TSGA10: variants seen among roughly 807,000 people sequenced by gnomAD.
TSGA10 encodes the protein testis specific 10, also known as testis-specific gene 10 protein.
Under a neutral mutation model 96.6 loss-of-function variants are expected in TSGA10, and 43 were observed. The ratio of observed to expected loss-of-function variants is 0.44; its 90% CI spans 0.35 to 0.57. The LOEUF is 0.57. TSGA10 is among the 20% of genes least tolerant of loss of function. The pLI, the probability that TSGA10 is intolerant of heterozygous loss-of-function variation, is 0.01. For synonymous variants in TSGA10, 229 were observed against 269.9 expected, an observed-to-expected ratio of 0.85 and a Z score of 1.48; for missense variants, 703 against 834.4, an observed-to-expected ratio of 0.84 and a Z score of 1.94.
At chr2:99,119,226 C>T (rs1010248902) in intron 2 of TSGA10, among the ~76,000 whole-genome samples, 1 of 152,040 alleles carries the variant, frequency 6.6e-6, no homozygotes, top group Non-Finnish European at 1.5e-5. Context: ...GCTACAATGC[C>T]ATTTATTGTA....
At chr2:99,099,907 T>C (rs1559013270) in intron 10 of TSGA10, among the ~76,000 whole-genome samples, 1 of 152,150 alleles carries the variant, frequency 6.6e-6, no homozygotes, top group African/African-American at 2.4e-5. Context: ...TATTTTTACA[T>C]AACAGCCACA....
intron 1 of TSGA10, among the ~76,000 whole-genome samples, chr2:99,139,359 G>A (rs1342059201): frequency 2.0e-5 from 3 of 152,124 alleles, no homozygotes; most frequent in Non-Finnish European, 4.4e-5. Flanking sequence ...ATAATAAAAA[G>A]TATCATCGGT....
At chr2:99,115,560 AAAGT>A (rs964679074) in intron 4 of TSGA10, among the ~76,000 whole-genome samples, 5 of 152,116 alleles carry the variant, frequency 3.3e-5, no homozygotes, top group African/African-American at 9.7e-5. Flanking sequence ...CTGTATCCTT[AAAGT>A]AATAACTCGT....
At position 99,079,598 on chromosome 2, in the gene TSGA10, T is replaced by A. The variant is rs79867395; in HGVS notation, c.728-785A>T. On this transcript the variant is annotated intron_variant, in intron 11 of 20. Coordinates refer to ENST00000393483, the MANE Select transcript of TSGA10 (RefSeq NM_025244.4). ...TATAATGAGGATTGAGAACCACTCG[T>A]CTAGAGGAGTTTACCTACTCTAGGT... Among the ~76,000 whole-genome samples the A allele has an allele frequency of 4.1e-3, 630 of 152,296 alleles. 18 individuals carry two copies. The East Asian group carries it at 0.08, about 19-fold the overall frequency.
chr2:98,999,341 C>T (rs762505484), intron 20 of TSGA10, among the ~76,000 whole-genome samples: 1 of 152,108 alleles, frequency 6.6e-6, no homozygotes, highest in Non-Finnish European at 1.5e-5. Flanking sequence ...GAAAGTCAAC[C>T]ACTAGAGGCT....
chr2:99,051,449 T>C (rs2083385797), intron 16 of TSGA10, among the ~76,000 whole-genome samples: 1 of 152,124 alleles, frequency 6.6e-6, no homozygotes, highest in Admixed American at 6.6e-5. Flanking sequence ...AATATACGTA[T>C]ATATGAACTC....
intron 17 of TSGA10, among the ~76,000 whole-genome samples, chr2:99,030,274 G>C (rs1362558666): frequency 6.6e-6 from 1 of 152,146 alleles, no homozygotes. Context: ...TTCAACCTGG[G>C]AGGTGGAGGT....
intron 1 of TSGA10, among the ~76,000 whole-genome samples, chr2:99,136,385 C>G (rs929724729): frequency 6.6e-6 from 1 of 152,072 alleles, no homozygotes; most frequent in African/African-American, 2.4e-5. Context: ...CAATTTCAAC[C>G]CTAAATGAAT....
At chr2:99,041,369 T>C (rs1315122902) in intron 16 of TSGA10, among the ~76,000 whole-genome samples, 1 of 152,150 alleles carries the variant, frequency 6.6e-6, no homozygotes, top group African/African-American at 2.4e-5. Context: ...TTTCTAACAA[T>C]ACCCAAAGCA....
At chr2:99,045,438 TAAAG>T (rs1435226469) in intron 16 of TSGA10, among the ~76,000 whole-genome samples, 1 of 152,120 alleles carries the variant, frequency 6.6e-6, no homozygotes, top group East Asian at 1.9e-4. Context: ...TCAACATTCT[TAAAG>T]AAAAGAATTT....
intron 12 of TSGA10, among the ~76,000 whole-genome samples, chr2:99,074,303 T>C (rs2086398647): frequency 6.6e-6 from 1 of 151,896 alleles, no homozygotes; most frequent in South Asian, 2.1e-4. Context: ...CGTAAGCCAC[T>C]GCGCCCGGCC....
At chr2:99,149,951 C>T (rs1017427484) in intron 1 of TSGA10, among the ~76,000 whole-genome samples, 4 of 151,992 alleles carry the variant, frequency 2.6e-5, no homozygotes, top group African/African-American at 7.3e-5. Context: ...TGCCACCACA[C>T]CCAGCTAATT....
intron 1 of TSGA10, among the ~76,000 whole-genome samples, chr2:99,138,975 G>A (rs1382404243): frequency 6.6e-6 from 1 of 152,180 alleles, no homozygotes; most frequent in Admixed American, 6.5e-5. Context: ...GCAAGGACAG[G>A]TGAAGATTTA....
chr2:99,068,115 A>G (rs2085479635), intron 15 of TSGA10, among the ~76,000 whole-genome samples: 1 of 152,206 alleles, frequency 6.6e-6, no homozygotes, highest in Non-Finnish European at 1.5e-5. Context: ...TTGCTGCCTG[A>G]AAGCAAGGAT....
chr2:99,086,233 G>A (rs1017874540), intron 10 of TSGA10, among the ~76,000 whole-genome samples: 2 of 151,648 alleles, frequency 1.3e-5, no homozygotes, highest in South Asian at 4.2e-4. Flanking sequence ...TTCTTTTGTG[G>A]AAAAAAAAGA....
intron 16 of TSGA10, among the ~76,000 whole-genome samples, chr2:99,045,986 A>G (rs1357280808): frequency 2.0e-5 from 3 of 152,252 alleles, no homozygotes; most frequent in Non-Finnish European, 4.4e-5. Flanking sequence ...AGGCCATTAC[A>G]TAATGGTAAA....
chr2:99,151,030 A>G (rs2093688485), intron 1 of TSGA10: 3 of 441,048 alleles, frequency 6.8e-6, no homozygotes, highest in Non-Finnish European at 1.2e-5. Flanking sequence ...TAGGGTGAAA[A>G]AGCCTTCCAA....
At chr2:99,078,183 A>G (rs2086970896) in intron 12 of TSGA10, among the ~76,000 whole-genome samples, 1 of 146,610 alleles carries the variant, frequency 6.8e-6, no homozygotes, top group South Asian at 2.3e-4. Context: ...AGGCAGGAGA[A>G]TTGCTTGAAC....
intron 10 of TSGA10, among the ~76,000 whole-genome samples, chr2:99,087,182 C>T (rs974612808): frequency 1.3e-5 from 2 of 150,986 alleles, no homozygotes; most frequent in Non-Finnish European, 1.5e-5. Context: ...CCAGCCTGGG[C>T]GACAGTGCAA....
Sources: gnomAD v4.1 joint callset for allele counts (sites outside exome capture counted in the v4.1 genomes callset) on GRCh38, gnomAD v4.1.1 for gene constraint, MANE v1.5 for transcripts, NCBI Gene and HGNC (gene_info 2026-07-23, HGNC 2026-07-21) for gene names.